The following PRPSAP1 variants were observed in gnomAD, a reference collection of about 807,000 sequenced individuals.
The protein encoded by PRPSAP1 is phosphoribosyl pyrophosphate synthase-associated protein 1.
A neutral mutation model predicts 39.4 loss-of-function variants in PRPSAP1; 31 were observed. That is an observed-to-expected ratio of 0.79 (90% confidence interval 0.59 to 1.06). The LOEUF is 1.06. Ranked by LOEUF, PRPSAP1 falls within the 50% of genes least tolerant of loss-of-function variation. The probability of loss-of-function intolerance (pLI) is 0.00; values close to 1 mark genes in which losing one functional copy is unlikely to be tolerated. For synonymous variants in PRPSAP1, 212 were observed against 192.6 expected (o/e 1.10, Z -0.83); for missense variants, 430 against 511.6 (o/e 0.84, Z 1.54).
At chr17:76,350,576 T>C (rs1380565990) in intron 1 of PRPSAP1, among the ~76,000 whole-genome samples, 1 of 152,120 alleles carries the variant, frequency 6.6e-6, no homozygotes, top group Non-Finnish European at 1.5e-5. Flanking sequence ...AGGCAATTCA[T>C]AGAGACAAAG....
At chr17:76,326,333 G>T (rs1363819977) in intron 7 of PRPSAP1, among the ~76,000 whole-genome samples, 1 of 152,078 alleles carries the variant, frequency 6.6e-6, no homozygotes, top group East Asian at 1.9e-4. Context: ...TGTTCATTTT[G>T]ATGAGAAGCA....
At position 76,353,899 on chromosome 17, in the gene PRPSAP1, C is replaced by A. The variant is rs78121266; in HGVS notation, c.-196G>T. 6.0e-6 allele frequency: 8 copies of A among 1,328,822 alleles called. No individual in the cohort carries two copies. The highest frequency in any genetic ancestry group is 6.3e-5 in the East Asian group (2 of 31,762). The allele number at this position is 1,328,822 out of a possible 1,614,324, so 82.3% of individuals were successfully genotyped here. On this transcript the variant is annotated 5_prime_UTR_variant, in exon 1 of 10. Coordinates refer to ENST00000446526, the MANE Select transcript of PRPSAP1 (RefSeq NM_002766.3). ...GAGCCTTCGCAGCGCCCGGCGCCGC[C>A]GCCTCAGAGCCAGAGGCAAGGCCAC...
Position 76,332,230 on chromosome 17 carries a change from T to C in PRPSAP1, c.463+33A>G, listed in dbSNP as rs747043276. The C allele has an allele frequency of 8.7e-6, 14 of 1,607,806 alleles. No homozygotes were observed. In the African/African-American group the frequency reaches 1.6e-4, roughly 18 times the overall value. On this transcript the variant is annotated intron_variant, in intron 4 of 9. Coordinates refer to ENST00000446526, the MANE Select transcript of PRPSAP1 (RefSeq NM_002766.3). Reference sequence around the variant, plus strand: ...ACTAGGAAAGAGCCCTAAAGGATCATGCTGGAACCCCAGGGCCCCCGCGCA... The same window carrying C: ...ACTAGGAAAGAGCCCTAAAGGATCACGCTGGAACCCCAGGGCCCCCGCGCA...
At chr17:76,351,759 T>C (rs1222380722) in intron 1 of PRPSAP1, among the ~76,000 whole-genome samples, 2 of 152,164 alleles carry the variant, frequency 1.3e-5, no homozygotes, top group African/African-American at 2.4e-5. Context: ...TATTTATGAA[T>C]ATGTATCATT....
chr17:76,323,684 T>C (rs762066068), intron 7 of PRPSAP1, among the ~76,000 whole-genome samples: 3 of 151,678 alleles, frequency 2.0e-5, no homozygotes, highest in African/African-American at 4.8e-5. Flanking sequence ...GGATAAGGAG[T>C]TGCTTTGATA....
chr17:76,314,223 T>C (rs1365725401), intron 7 of PRPSAP1: 3 of 287,578 alleles, frequency 1.0e-5, no homozygotes, highest in African/African-American at 6.8e-5. Flanking sequence ...TATGTATGTA[T>C]GTATGTATTT....
At chr17:76,348,276 C>T (rs763477264) in intron 2 of PRPSAP1, among the ~76,000 whole-genome samples, 1 of 151,960 alleles carries the variant, frequency 6.6e-6, no homozygotes, top group Non-Finnish European at 1.5e-5. Flanking sequence ...AGTTTGAGAC[C>T]AGCCTGGCCA....
At chr17:76,343,826 C>T (rs1378127694) in intron 3 of PRPSAP1, among the ~76,000 whole-genome samples, 2 of 152,044 alleles carry the variant, frequency 1.3e-5, no homozygotes, top group Admixed American at 6.6e-5. Flanking sequence ...CAGAGTGAGA[C>T]TGTCCCCAAA....
At chr17:76,353,455 G>T in intron 1 of PRPSAP1, 79 bp downstream of exon 1, 5 of 1,335,750 alleles carry the variant, frequency 3.7e-6, no homozygotes, top group Non-Finnish European at 4.9e-6. Context: ...GGGGCGGGTG[G>T]AGGGGAGCGG....
chr17:76,344,239 T>A (rs941831264), intron 3 of PRPSAP1, among the ~76,000 whole-genome samples: 1 of 152,216 alleles, frequency 6.6e-6, no homozygotes, highest in Non-Finnish European at 1.5e-5. Flanking sequence ...GCCTTTCTCC[T>A]ATCTCAGCCT....
At chr17:76,320,322 A>AGGGAGGGG (rs2071178613) in intron 7 of PRPSAP1, among the ~76,000 whole-genome samples, 2 of 108,800 alleles carry the variant, frequency 1.8e-5, no homozygotes, top group African/African-American at 5.6e-5. Context: ...GGAGGAAGGG[A>AGGGAGGGG]AGAAGGGAGG....
intron 3 of PRPSAP1, among the ~76,000 whole-genome samples, chr17:76,339,856 G>A (rs1185911836): frequency 6.6e-6 from 1 of 151,648 alleles, no homozygotes; most frequent in Non-Finnish European, 1.5e-5. Flanking sequence ...TAAAAGCTGG[G>A]CACAGTGCCT....
At chr17:76,325,835 T>C (rs979727623) in intron 7 of PRPSAP1, among the ~76,000 whole-genome samples, 1 of 152,072 alleles carries the variant, frequency 6.6e-6, no homozygotes. Context: ...CTCGATCTCC[T>C]GACCTCGTGA....
intron 7 of PRPSAP1, among the ~76,000 whole-genome samples, chr17:76,319,657 C>T (rs139823099): frequency 0.011 from 1,638 of 151,856 alleles, 15 homozygotes; most frequent in Non-Finnish European, 0.019. Flanking sequence ...TTAGTAGAGA[C>T]GGGGTTTCAC....
intron 7 of PRPSAP1, among the ~76,000 whole-genome samples, chr17:76,326,610 T>A (rs879325930): frequency 6.6e-6 from 1 of 152,186 alleles, no homozygotes; most frequent in Non-Finnish European, 1.5e-5. Flanking sequence ...TTCAAAAGTA[T>A]CAAGGTCATA....
Position 76,323,715 on chromosome 17 carries a change from TG to T in PRPSAP1, c.781+5001del, listed in dbSNP as rs1237357687. Among the ~76,000 whole-genome samples, 3 of 151,560 alleles carry T rather than the reference TG, an allele frequency of 2.0e-5. No homozygotes were observed. In the East Asian group the frequency reaches 5.8e-4, roughly 29 times the overall value. ...TGATAGATAAGCAAAGAAGGTTTTT[TG>T]TTTTTTTTTTTGAGATGAATCTACT... On this transcript the variant is annotated intron_variant, in intron 7 of 9. Coordinates refer to ENST00000446526, the MANE Select transcript of PRPSAP1 (RefSeq NM_002766.3).
At chr17:76,336,031 T>C (rs922239688) in intron 3 of PRPSAP1, among the ~76,000 whole-genome samples, 72 of 152,106 alleles carry the variant, frequency 4.7e-4, no homozygotes, top group African/African-American at 1.6e-3. Context: ...AATACACAAG[T>C]GTATGACACC....
intron 7 of PRPSAP1, among the ~76,000 whole-genome samples, chr17:76,321,465 C>T (rs1032085208): frequency 7.2e-5 from 11 of 151,944 alleles, no homozygotes; most frequent in South Asian, 4.2e-4. Context: ...TACTTGGACC[C>T]GGGAGGCGGA....
intron 2 of PRPSAP1, among the ~76,000 whole-genome samples, chr17:76,344,943 A>T (rs2071479848): frequency 6.6e-6 from 1 of 152,022 alleles, no homozygotes; most frequent in African/African-American, 2.4e-5. Flanking sequence ...TCTACAAAAA[A>T]TACAAGAATT....
Sources: gnomAD v4.1 joint callset for allele counts (sites outside exome capture counted in the v4.1 genomes callset) on GRCh38, gnomAD v4.1.1 for gene constraint, MANE v1.5 for transcripts, NCBI Gene and HGNC (gene_info 2026-07-23, HGNC 2026-07-21) for gene names.